Variants in RORA observed in about 807,000 individuals in gnomAD.
RORA encodes nuclear receptor ROR-alpha.
RORA carries 7 observed loss-of-function variants against 69.5 expected under a neutral mutation model. The ratio of observed to expected loss-of-function variants is 0.10; its 90% CI spans 0.06 to 0.19. The LOEUF (loss-of-function observed/expected upper bound fraction) is 0.19, where lower values mean the gene tolerates loss of function less well. Ranked by LOEUF, RORA falls within the 10% of genes least tolerant of loss-of-function variation. RORA has a pLI of 1.00. For missense variants in RORA, 457 were observed against 663.0 expected (o/e 0.69, Z 3.41); for synonymous variants, 261 against 240.8 (o/e 1.08, Z -0.78).
chr15:60,820,943 G>A (rs1225347854), intron 1 of RORA, among the ~76,000 whole-genome samples: 3 of 151,960 alleles, frequency 2.0e-5, no homozygotes, highest in African/African-American at 7.3e-5. Context: ...AAATGGGGTG[G>A]TTGATCTCTA....
rs528251124 is a variant in RORA at position 60,667,863 on chromosome 15, T to C, written c.196+10794A>G. On this transcript the variant is annotated intron_variant, in intron 2 of 10. Coordinates refer to ENST00000335670, the MANE Select transcript of RORA (RefSeq NM_134261.3). ...GTTTTGAACTCTGTGGCTCAAGTGC[T>C]CTACCTGCCTCAGCCTCCCAAAGTG... Among the ~76,000 whole-genome samples, 475 of 152,242 alleles carry C rather than the reference T, an allele frequency of 3.1e-3. 1 individual carries two copies. Among genetic ancestry groups the C allele is most frequent in the African/African-American group, 0.011 (455 of 41,550 alleles).
intron 1 of RORA, among the ~76,000 whole-genome samples, chr15:61,079,638 G>A (rs778874652): frequency 3.9e-5 from 6 of 152,040 alleles, no homozygotes; most frequent in Non-Finnish European, 7.4e-5. Context: ...CTTGTGATAG[G>A]GATGGAAAAA....
At chr15:61,178,592 A>T (rs988196885) in intron 1 of RORA, among the ~76,000 whole-genome samples, 1 of 152,108 alleles carries the variant, frequency 6.6e-6, no homozygotes, top group African/African-American at 2.4e-5. Flanking sequence ...TCAGAGGAAA[A>T]GCTTTTTGAT....
At chr15:61,000,498 T>C (rs57775862) in intron 1 of RORA, among the ~76,000 whole-genome samples, 5,101 of 152,184 alleles carry the variant, frequency 0.034, 280 homozygotes, top group African/African-American at 0.11. Context: ...GGCAAGGAGA[T>C]CCTTGTCCAG....
intron 2 of RORA, among the ~76,000 whole-genome samples, chr15:60,562,234 C>T (rs1011197656): frequency 1.3e-5 from 2 of 151,542 alleles, no homozygotes; most frequent in Non-Finnish European, 2.9e-5. Flanking sequence ...TGCGCCCTGC[C>T]AGTTTACAAA....
At chr15:60,714,266 C>T (rs1329953205) in intron 1 of RORA, among the ~76,000 whole-genome samples, 1 of 152,044 alleles carries the variant, frequency 6.6e-6, no homozygotes, top group Admixed American at 6.6e-5. Context: ...GCCACATTGA[C>T]CAGCCTGGTC....
Position 61,123,215 on chromosome 15 carries a change from G to A in RORA, c.166+105838C>T, listed in dbSNP as rs532456924. Among the ~76,000 whole-genome samples, 58 of 152,168 alleles carry A rather than the reference G, an allele frequency of 3.8e-4. No individual in the cohort carries two copies. In the Middle Eastern group the frequency reaches 0.014, roughly 36 times the overall value. On this transcript the variant is annotated intron_variant, in intron 1 of 10. Transcript: ENST00000335670. ...CTCTGCCCTGTTCTCAGGGCGGTGG[G>A]TAGGGGGTGCACCCTACATAAGCAG...
intron 2 of RORA, among the ~76,000 whole-genome samples, chr15:60,613,380 A>G (rs1295027615): frequency 6.6e-6 from 1 of 152,144 alleles, no homozygotes; most frequent in Non-Finnish European, 1.5e-5. Context: ...AGGTTTTTCT[A>G]AGGAGAGAAA....
rs578046229 is a variant in RORA at position 61,138,861 on chromosome 15, A to C, written c.166+90192T>G. Among the ~76,000 whole-genome samples, 165 of 152,230 alleles carry C rather than the reference A, an allele frequency of 1.1e-3. 1 individual carries two copies. Among genetic ancestry groups the C allele is most frequent in the African/African-American group, 3.9e-3 (161 of 41,520 alleles). ...AAAATAAATTAAATTTAAAAAAAAC[A>C]CAGGCCGGGCGCAGTGGCTCAAGCC... On this transcript the variant is annotated intron_variant, in intron 1 of 10. Transcript: ENST00000335670.
chr15:60,650,127 C>T (rs928476634), intron 2 of RORA, among the ~76,000 whole-genome samples: 1 of 151,910 alleles, frequency 6.6e-6, no homozygotes, highest in Non-Finnish European at 1.5e-5. Flanking sequence ...GTATCACCAA[C>T]TTCAGAATGT....
intron 1 of RORA, among the ~76,000 whole-genome samples, chr15:60,823,854 A>T (rs2072924951): frequency 6.6e-6 from 1 of 152,230 alleles, no homozygotes; most frequent in Non-Finnish European, 1.5e-5. Flanking sequence ...GGCTTCGCCT[A>T]AAATCCTACT....
intron 1 of RORA, among the ~76,000 whole-genome samples, chr15:60,889,627 G>A (rs1311500599): frequency 6.6e-6 from 1 of 152,234 alleles, no homozygotes; most frequent in Non-Finnish European, 1.5e-5. Context: ...CTGTGCGGGA[G>A]GATGCCTGGG....
chr15:61,084,719 G>C (rs965612576), intron 1 of RORA, among the ~76,000 whole-genome samples: 1 of 152,032 alleles, frequency 6.6e-6, no homozygotes, highest in Admixed American at 6.5e-5. Flanking sequence ...CAGCTGCTCC[G>C]CTCTAGTCAC....
intron 1 of RORA, among the ~76,000 whole-genome samples, chr15:61,227,670 C>T (rs1596087180): frequency 6.6e-6 from 1 of 152,108 alleles, no homozygotes; most frequent in Non-Finnish European, 1.5e-5. Flanking sequence ...GTTCCTGGGG[C>T]CCCCATTCGC....
At chr15:60,978,950 C>A (rs1034451539) in intron 1 of RORA, among the ~76,000 whole-genome samples, 2 of 127,264 alleles carry the variant, frequency 1.6e-5, no homozygotes, top group Non-Finnish European at 1.6e-5. Context: ...TGTGAGTCCT[C>A]CAACTTTGCT....
At position 60,890,372 on chromosome 15, in the gene RORA, T is replaced by C. The variant is rs35509881; in HGVS notation, c.167-211686A>G. On this transcript the variant is annotated intron_variant, in intron 1 of 10. Coordinates refer to ENST00000335670, the MANE Select transcript of RORA (RefSeq NM_134261.3). ...CAACTCCCCTCAGAAGAATGCAGAG[T>C]ACACAAATTTTAAATAAGGAAGAAA... Among the ~76,000 whole-genome samples the C allele has an allele frequency of 7.5e-3, 1,135 of 152,226 alleles. 7 individuals are homozygous for C. The highest frequency in any genetic ancestry group is 0.013 in the Non-Finnish European group (867 of 68,004).
chr15:60,507,820 G>A (rs1274727221), intron 5 of RORA, among the ~76,000 whole-genome samples: 1 of 152,044 alleles, frequency 6.6e-6, no homozygotes, highest in Non-Finnish European at 1.5e-5. Flanking sequence ...ATGAGAAGAG[G>A]CTCATATCAT....
At chr15:60,934,173 G>C (rs150834447) in intron 1 of RORA, among the ~76,000 whole-genome samples, 28 of 152,324 alleles carry the variant, frequency 1.8e-4, no homozygotes, top group Non-Finnish European at 3.5e-4. Context: ...TCCTGCTTCC[G>C]TGTGACTAGC....
In RORA at chr15:60,511,449, G is replaced by A. The variant is rs753610862; in HGVS notation, c.597C>T (p.Asp199=). ...TGTGCCCGTCAATGTAGTTACTGAG[G>A]TCGTCGTGAAGTTCCGTCAGCCCGT... ...SANGLTELHD[D]LSNYIDGHTP... Residue 199 remains aspartate, a synonymous_variant, in exon 5 of 11, where the codon GAC becomes GAT. Coordinates refer to ENST00000335670, the MANE Select transcript of RORA (RefSeq NM_134261.3). This position sits in a 1 kb window ranked among gnomAD's most constrained non-coding sequence, Gnocchi z 6.4. The A allele has an allele frequency of 1.2e-6, 2 of 1,614,184 alleles. No homozygotes were observed. The highest frequency in any genetic ancestry group is 1.1e-5 in the South Asian group (1 of 91,084).
Sources: gnomAD v4.1 joint callset for allele counts (sites outside exome capture counted in the v4.1 genomes callset) on GRCh38, gnomAD v4.1.1 for gene constraint, Gnocchi (gnomAD v3.1) non-coding constraint, MANE v1.5 for transcripts, NCBI Gene and HGNC (gene_info 2026-07-23, HGNC 2026-07-21) for gene names.